SAMD12: variants seen among roughly 807,000 people sequenced by gnomAD.
SAMD12 encodes sterile alpha motif domain containing 12, also known as sterile alpha motif domain-containing protein 12.
A neutral mutation model predicts 15.0 loss-of-function variants in SAMD12; 9 were observed. The observed-to-expected ratio is 0.60, with a 90% CI of 0.36 to 1.05. SAMD12 has a LOEUF of 1.05. Ranked by LOEUF, SAMD12 falls within the 50% of genes least tolerant of loss-of-function variation. The pLI is 0.01. For missense variants in SAMD12, 230 were observed against 234.2 expected (o/e 0.98, Z 0.12); for synonymous variants, 86 against 90.1 (o/e 0.96, Z 0.25).
At chr8:118,381,071 C>A (rs1463980285) in intron 3 of SAMD12, among the ~76,000 whole-genome samples, 1 of 152,174 alleles carries the variant, frequency 6.6e-6, no homozygotes, top group African/African-American at 2.4e-5. Flanking sequence ...GAACTAGTTG[C>A]ATGAACATTT....
intron 2 of SAMD12, among the ~76,000 whole-genome samples, chr8:118,576,728 G>T (rs778069137): frequency 1.3e-5 from 2 of 152,138 alleles, no homozygotes; most frequent in African/African-American, 2.4e-5. Context: ...ACCACTCCTG[G>T]TCTTTAGGAG....
At chr8:118,133,136 A>T in the SAMD12 span, among the ~76,000 whole-genome samples, 1 of 150,746 alleles carries the variant, frequency 6.6e-6, no homozygotes, top group East Asian at 1.9e-4. Context: ...TTTCACTATT[A>T]TATTTTCTCT....
intron 4 of SAMD12, among the ~76,000 whole-genome samples, chr8:118,200,713 A>G (rs1008282833): frequency 6.6e-6 from 1 of 152,206 alleles, no homozygotes; most frequent in Non-Finnish European, 1.5e-5. Flanking sequence ...TGAATGGGTC[A>G]CCATGCTGAG....
chr8:118,613,034 G>T (rs1828145314), intron 1 of SAMD12, among the ~76,000 whole-genome samples: 1 of 152,222 alleles, frequency 6.6e-6, no homozygotes, highest in Non-Finnish European at 1.5e-5. Context: ...AGCAGTAGTT[G>T]TCAGGGGCTG....
chr8:118,232,587 CA>C (rs1812337810), intron 4 of SAMD12, among the ~76,000 whole-genome samples: 1 of 152,124 alleles, frequency 6.6e-6, no homozygotes, highest in African/African-American at 2.4e-5. Context: ...CCAGCTTTAG[CA>C]GAGTTAACAC....
At chr8:118,405,803 G>A (rs535188035) in intron 3 of SAMD12, among the ~76,000 whole-genome samples, 1 of 152,256 alleles carries the variant, frequency 6.6e-6, no homozygotes, top group East Asian at 1.9e-4. Flanking sequence ...GCCACTAATG[G>A]TGTCACAGAC....
downstream of SAMD12, chr8:118,375,693 C>T (rs1586626181): frequency 6.6e-6 from 1 of 150,974 alleles, no homozygotes; most frequent in Admixed American, 6.6e-5. Flanking sequence ...ACCCTTTTTC[C>T]TTCTTGTTTC....
At chr8:118,534,478 G>T (rs1825782887) in intron 2 of SAMD12, among the ~76,000 whole-genome samples, 1 of 152,108 alleles carries the variant, frequency 6.6e-6, no homozygotes. Flanking sequence ...TCCTGAATTT[G>T]AATGTTGGCC....
intron 3 of SAMD12, among the ~76,000 whole-genome samples, chr8:118,418,799 T>C (rs1821851673): frequency 6.6e-6 from 1 of 151,602 alleles, no homozygotes; most frequent in African/African-American, 2.4e-5. Flanking sequence ...AACCAGGAAA[T>C]GTTTTTGCCA....
At chr8:118,494,738 C>T (rs1824557703) in intron 2 of SAMD12, among the ~76,000 whole-genome samples, 1 of 152,186 alleles carries the variant, frequency 6.6e-6, no homozygotes, top group South Asian at 2.1e-4. Context: ...CACCCTTCAT[C>T]TCCTTATCTT....
intron 2 of SAMD12, among the ~76,000 whole-genome samples, chr8:118,556,990 GA>G (rs1027891105): frequency 2.0e-5 from 3 of 151,788 alleles, no homozygotes; most frequent in Non-Finnish European, 4.4e-5. Context: ...AAGAAAGAAA[GA>G]AAGAAATAGA....
chr8:118,544,688 T>C (rs1275404813), intron 2 of SAMD12, among the ~76,000 whole-genome samples: 1 of 152,208 alleles, frequency 6.6e-6, no homozygotes, highest in Non-Finnish European at 1.5e-5. Context: ...CAGAGGTGTC[T>C]GGCTTCCTGC....
chr8:118,447,918 C>T (rs971419177), intron 2 of SAMD12, among the ~76,000 whole-genome samples: 13 of 150,058 alleles, frequency 8.7e-5, no homozygotes, highest in East Asian at 6.1e-4. Context: ...TTAGTAGAGA[C>T]GGGGTTTCAC....
intron 3 of SAMD12, among the ~76,000 whole-genome samples, chr8:118,405,514 C>T (rs916688861): frequency 9.2e-5 from 14 of 152,110 alleles, no homozygotes; most frequent in South Asian, 2.1e-4. Context: ...CCTTGGAAGA[C>T]GTCAACTGGA....
chr8:118,332,545 CT>C (rs1246083776), intron 4 of SAMD12, among the ~76,000 whole-genome samples: 1 of 152,184 alleles, frequency 6.6e-6, no homozygotes, highest in Non-Finnish European at 1.5e-5. Flanking sequence ...CTCATCCCTG[CT>C]TTTTTCAGCA....
chr8:118,504,937 G>A (rs555124765), intron 2 of SAMD12, among the ~76,000 whole-genome samples: 2 of 152,176 alleles, frequency 1.3e-5, no homozygotes, highest in Admixed American at 6.5e-5. Context: ...CAGCTGGTGT[G>A]ACTGGGGGAT....
At chr8:118,295,512 T>C (rs1422326686) in intron 4 of SAMD12, among the ~76,000 whole-genome samples, 1 of 152,192 alleles carries the variant, frequency 6.6e-6, no homozygotes, top group Non-Finnish European at 1.5e-5. Flanking sequence ...AAGTATCAGA[T>C]GCTGGAAACT....
At chr8:118,263,539 T>C (rs1813132010) in intron 4 of SAMD12, among the ~76,000 whole-genome samples, 1 of 152,068 alleles carries the variant, frequency 6.6e-6, no homozygotes. Flanking sequence ...TATCTACATT[T>C]ACAGGCTGGC....
chr8:118,435,175 G>A (rs1386354658), intron 3 of SAMD12, among the ~76,000 whole-genome samples: 6 of 152,012 alleles, frequency 3.9e-5, no homozygotes, highest in African/African-American at 4.8e-5. Context: ...CCTTAGCTAC[G>A]GTTTCACTTT....
Sources: allele counts gnomAD v4.1 joint callset (sites outside exome capture counted in the v4.1 genomes callset), GRCh38; gene constraint gnomAD v4.1.1; transcripts MANE v1.5; gene names NCBI Gene and HGNC (gene_info 2026-07-23, HGNC 2026-07-21).